NRG3: variants seen among roughly 807,000 people sequenced by gnomAD.
NRG3 encodes neuregulin 3.
A neutral mutation model predicts 66.9 loss-of-function variants in NRG3; 31 were observed. That is an observed-to-expected ratio of 0.46 (90% CI 0.35 to 0.63). The LOEUF (loss-of-function observed/expected upper bound fraction) is 0.63. Among genes scored for constraint, NRG3 ranks in the 20% least tolerant of loss-of-function variants. NRG3 has a pLI of 0.00. For synonymous variants in NRG3, 393 were observed against 359.4 expected (o/e 1.09, Z -1.06); for missense variants, 910 against 878.9 (o/e 1.04, Z -0.45).
At chr10:81,885,877 A>C (rs1842571209) in intron 1 of NRG3, among the ~76,000 whole-genome samples, 1 of 152,172 alleles carries the variant, frequency 6.6e-6, no homozygotes, top group African/African-American at 2.4e-5. Context: ...GCATGGTGGA[A>C]AAATCTAGAG....
At chr10:82,533,051 T>A (rs1481434039) in intron 2 of NRG3, among the ~76,000 whole-genome samples, 1 of 151,924 alleles carries the variant, frequency 6.6e-6, no homozygotes, top group African/African-American at 2.4e-5. Context: ...ATGATTAGAA[T>A]GTTGAACATT....
intron 2 of NRG3, among the ~76,000 whole-genome samples, chr10:82,361,781 C>T (rs138484271): frequency 9.9e-5 from 15 of 152,096 alleles, no homozygotes; most frequent in African/African-American, 3.1e-4. Context: ...GATTTTGTTT[C>T]AAGTTAAATA....
At chr10:82,195,242 T>G (rs1257917428) in intron 1 of NRG3, among the ~76,000 whole-genome samples, 1 of 152,198 alleles carries the variant, frequency 6.6e-6, no homozygotes, top group Non-Finnish European at 1.5e-5. Flanking sequence ...GAACAGTGTT[T>G]GCAATCTTGG....
chr10:82,853,967 G>A (rs1395611471), intron 3 of NRG3, among the ~76,000 whole-genome samples: 2 of 152,076 alleles, frequency 1.3e-5, no homozygotes, highest in Non-Finnish European at 1.5e-5. Flanking sequence ...TTCGAGGTAT[G>A]TCTCTTCTAT....
At chr10:81,893,135 AG>A (rs1284407732) in intron 1 of NRG3, among the ~76,000 whole-genome samples, 1 of 152,212 alleles carries the variant, frequency 6.6e-6, no homozygotes, top group Non-Finnish European at 1.5e-5. Flanking sequence ...GTAAAAGTCA[AG>A]TGTAGTTCTA....
At chr10:82,974,078 C>G (rs1009180256) in intron 7 of NRG3, among the ~76,000 whole-genome samples, 163 bp downstream of exon 7, 2 of 151,830 alleles carry the variant, frequency 1.3e-5, no homozygotes, top group African/African-American at 4.8e-5. Flanking sequence ...TCAGGTAAAG[C>G]AAAGATACCA....
At chr10:82,505,882 G>A (rs1844621094) in intron 2 of NRG3, among the ~76,000 whole-genome samples, 1 of 152,146 alleles carries the variant, frequency 6.6e-6, no homozygotes, top group East Asian at 1.9e-4. Context: ...CCTAACAATT[G>A]TATTTTTAAG....
intron 1 of NRG3, among the ~76,000 whole-genome samples, chr10:81,994,642 G>A (rs919847867): frequency 6.6e-6 from 1 of 151,956 alleles, no homozygotes; most frequent in African/African-American, 2.4e-5. Context: ...ATTGTCAAGT[G>A]ATCAAGAATA....
chr10:82,876,284 C>G (rs1361970734), intron 4 of NRG3, among the ~76,000 whole-genome samples: 1 of 151,622 alleles, frequency 6.6e-6, no homozygotes, highest in Non-Finnish European at 1.5e-5. Context: ...TTAGCAAAAT[C>G]TTGGGCAGAA....
At chr10:82,302,765 C>G (rs1723817260) in intron 1 of NRG3, among the ~76,000 whole-genome samples, 1 of 152,140 alleles carries the variant, frequency 6.6e-6, no homozygotes, top group Admixed American at 6.5e-5. Context: ...TTAAATGTGA[C>G]AAGAAAGGAC....
intron 1 of NRG3, among the ~76,000 whole-genome samples, chr10:82,347,414 G>T (rs1041105125): frequency 6.6e-6 from 1 of 152,126 alleles, no homozygotes; most frequent in African/African-American, 2.4e-5. Context: ...TAGTTTGATT[G>T]CACTGTGGTC....
chr10:82,208,213 C>T (rs1453414391), intron 1 of NRG3, among the ~76,000 whole-genome samples: 3 of 152,054 alleles, frequency 2.0e-5, no homozygotes, highest in East Asian at 1.9e-4. Flanking sequence ...AACTAATATG[C>T]GAAGCCTTTC....
At chr10:82,449,748 G>A (rs1035652866) in intron 2 of NRG3, among the ~76,000 whole-genome samples, 6 of 152,074 alleles carry the variant, frequency 3.9e-5, no homozygotes, top group African/African-American at 4.8e-5. Flanking sequence ...CCTACTCAAC[G>A]TCTTTCAGGG....
chr10:82,415,951 T>G (rs2088532196), intron 2 of NRG3, among the ~76,000 whole-genome samples: 1 of 152,178 alleles, frequency 6.6e-6, no homozygotes, highest in Non-Finnish European at 1.5e-5. Context: ...TTCAGATAAT[T>G]GTCAGTGCAA....
intron 2 of NRG3, among the ~76,000 whole-genome samples, chr10:82,526,991 C>T (rs73309853): frequency 0.016 from 2,387 of 152,106 alleles, 25 homozygotes; most frequent in Middle Eastern, 0.068. Context: ...TTTGAAGTTA[C>T]ATACTCCTTT....
At chr10:82,412,794 A>T (rs139797448) in intron 2 of NRG3, among the ~76,000 whole-genome samples, 386 of 152,326 alleles carry the variant, frequency 2.5e-3, no homozygotes, top group African/African-American at 8.8e-3. Context: ...TCACTTCAAC[A>T]ATGTTCACAG....
At chr10:82,931,091 C>A (rs1414739337) in intron 4 of NRG3, among the ~76,000 whole-genome samples, 1 of 152,160 alleles carries the variant, frequency 6.6e-6, no homozygotes, top group East Asian at 1.9e-4. Flanking sequence ...GCAGCCACTG[C>A]ACACATCCCC....
chr10:82,403,165 G>A (rs1303835569), intron 2 of NRG3, among the ~76,000 whole-genome samples: 1 of 152,070 alleles, frequency 6.6e-6, no homozygotes, highest in Non-Finnish European at 1.5e-5. Context: ...GCTTCCATGG[G>A]ACTTCATAAA....
At chr10:82,970,864 T>C (rs1173823039) in intron 6 of NRG3, among the ~76,000 whole-genome samples, 5 of 152,158 alleles carry the variant, frequency 3.3e-5, no homozygotes, top group Admixed American at 2.6e-4. Context: ...TCCAAAGAGT[T>C]CATTCATATC....
Sources: allele counts gnomAD v4.1 joint callset (sites outside exome capture counted in the v4.1 genomes callset), GRCh38; gene constraint gnomAD v4.1.1; transcripts MANE v1.5; gene names NCBI Gene and HGNC (gene_info 2026-07-23, HGNC 2026-07-21).